The following GPR39 variants were observed in gnomAD, a reference collection of about 807,000 sequenced individuals.
GPR39 encodes the protein zinc sensing receptor.
GPR39 carries 23 observed loss-of-function variants against 18.4 expected under a neutral mutation model. The observed-to-expected ratio is 1.25, with a 90% CI of 0.90 to 1.77. GPR39 has a LOEUF of 1.77. GPR39 is among the 40% of genes most tolerant of loss of function. The probability of loss-of-function intolerance (pLI) is 0.00; values close to 1 mark genes in which losing one functional copy is unlikely to be tolerated. For missense variants in GPR39, 647 were observed against 602.4 expected, an observed-to-expected ratio of 1.07 and a Z score of -0.78; for synonymous variants, 280 against 257.9, an observed-to-expected ratio of 1.09 and a Z score of -0.82.
At chr2:132,630,140 C>G (rs76793450) in intron 1 of GPR39, among the ~76,000 whole-genome samples, 1 of 152,104 alleles carries the variant, frequency 6.6e-6, no homozygotes, top group Admixed American at 6.5e-5. Flanking sequence ...GATCCAGCCT[C>G]GAACCCCATG....
rs1305866397 is a variant in GPR39 at position 132,545,653 on chromosome 2, GGCGTGT to G, written c.857-99446_857-99441del. 1.1e-3 allele frequency among the ~76,000 whole-genome samples: 142 copies of G among 134,788 alleles called. 3 individuals carry two copies. Among genetic ancestry groups the G allele is most frequent in the African/African-American group, 3.4e-3 (135 of 39,840 alleles). The allele number at this position is 134,788 out of a possible 152,430, so 88.4% of individuals were successfully genotyped here. A position where few individuals can be genotyped will look rare whatever the true frequency, so the allele number is the denominator to read the frequency against. The stretch of plus-strand genomic sequence containing the variant: ...ATCTTATAATCCACGATGTGTGATG[GGCGTGT>G]GTGTGTGTGTGTGTGTGTGTGTGTG... On this transcript the variant is annotated intron_variant, in intron 1 of 1. Coordinates refer to ENST00000329321, the MANE Select transcript of GPR39 (RefSeq NM_001508.3).
At chr2:132,497,169 CAG>C (rs1269092109) in intron 1 of GPR39, among the ~76,000 whole-genome samples, 1 of 152,172 alleles carries the variant, frequency 6.6e-6, no homozygotes, top group Non-Finnish European at 1.5e-5. Flanking sequence ...TAAACACGTG[CAG>C]AGTGTGAGCC....
chr2:132,635,871 T>C lies in GPR39; in HGVS notation c.857-9230T>C, dbSNP rs137927848. ...GGAAGAGAGCTTCTCCCCACCTCTA[T>C]ACCCTTACTTCTGCCATGTCGGAGA... is the stretch of plus-strand genomic sequence containing the variant. On this transcript the variant is annotated intron_variant, in intron 1 of 1. Transcript: ENST00000329321. Among the ~76,000 whole-genome samples, 15 of 152,298 alleles carry C rather than the reference T, an allele frequency of 9.8e-5. No homozygotes were observed. The East Asian group carries it at 2.9e-3, about 29-fold the overall frequency.
chr2:132,492,167 C>CACCATATATACACCATATATATACAT, intron 1 of GPR39, among the ~76,000 whole-genome samples: 3 of 145,736 alleles, frequency 2.1e-5, no homozygotes, highest in African/African-American at 5.1e-5. Flanking sequence ...AATATATACA[C>CACCATATATACACCATATATATACAT]ACCATATATA....
At chr2:132,494,982 C>A (rs1309996165) in intron 1 of GPR39, among the ~76,000 whole-genome samples, 1 of 151,966 alleles carries the variant, frequency 6.6e-6, no homozygotes, top group Non-Finnish European at 1.5e-5. Context: ...AAGGGAGCAC[C>A]CTGAGGGGAT....
chr2:132,619,075 CA>C (rs1213286401), intron 1 of GPR39, among the ~76,000 whole-genome samples: 4 of 152,208 alleles, frequency 2.6e-5, no homozygotes, highest in African/African-American at 9.6e-5. Context: ...GCTACACCCC[CA>C]CAGGCCCTTT....
In GPR39 at chr2:132,590,501, G is replaced by A. The variant is rs988448965; in HGVS notation, c.857-54600G>A. Among the ~76,000 whole-genome samples, 4 of 152,074 alleles carry A rather than the reference G, an allele frequency of 2.6e-5. 1 individual carries two copies. Among genetic ancestry groups the A allele is most frequent in the East Asian group, 1.9e-4 (1 of 5,150 alleles). On this transcript the variant is annotated intron_variant, in intron 1 of 1. Coordinates refer to ENST00000329321, the MANE Select transcript of GPR39 (RefSeq NM_001508.3). ...GAGTGGAATGAGGAGTGGACTAGGC[G>A]CAAGACCTATGGTGGGCTGAGGCTT...
At chr2:132,469,495 G>A (rs1468983617) in intron 1 of GPR39, among the ~76,000 whole-genome samples, 1 of 152,150 alleles carries the variant, frequency 6.6e-6, no homozygotes, top group Non-Finnish European at 1.5e-5. Context: ...TAATTGAATC[G>A]CAAATAACAC....
intron 1 of GPR39, among the ~76,000 whole-genome samples, chr2:132,552,849 CACATATATATAT>C (rs1680070333): frequency 1.4e-5 from 2 of 141,936 alleles, no homozygotes; most frequent in African/African-American, 2.7e-5. Flanking sequence ...TATATATACA[CACATATATATAT>C]ACATATATAT....
Position 132,545,298 on chromosome 2 carries a change from A to T in GPR39, c.857-99803A>T, listed in dbSNP as rs976540735. Among the ~76,000 whole-genome samples the T allele has an allele frequency of 2.6e-5, 4 of 152,188 alleles. No individual in the cohort carries two copies. The South Asian group carries it at 6.2e-4, about 24-fold the overall frequency. The stretch of plus-strand genomic sequence containing the variant: ...ACAGATCTTCACTCACTTTCCAGAG[A>T]GGGTGAGAAATTAGCCAGGCAGTCC... On this transcript the variant is annotated intron_variant, in intron 1 of 1. Transcript: ENST00000329321.
chr2:132,491,783 C>T (rs1413064937), intron 1 of GPR39, among the ~76,000 whole-genome samples: 2 of 151,882 alleles, frequency 1.3e-5, no homozygotes, highest in Non-Finnish European at 2.9e-5. Flanking sequence ...CCAGTCCTAG[C>T]TTCACATGTC....
chr2:132,536,574 T>C (rs1490072069), intron 1 of GPR39, among the ~76,000 whole-genome samples: 1 of 152,252 alleles, frequency 6.6e-6, no homozygotes. Context: ...TTTGTAGATG[T>C]CTATTATGTC....
At chr2:132,450,231 C>T (rs143049051) in intron 1 of GPR39, among the ~76,000 whole-genome samples, 28 of 152,194 alleles carry the variant, frequency 1.8e-4, no homozygotes, top group Middle Eastern at 3.4e-3. Context: ...CTCATAGGTC[C>T]CTAGGTTGTA....
At chr2:132,525,640 CA>C (rs1435018110) in intron 1 of GPR39, among the ~76,000 whole-genome samples, 1 of 152,174 alleles carries the variant, frequency 6.6e-6, no homozygotes, top group Non-Finnish European at 1.5e-5. Context: ...TGTCTTACTA[CA>C]AGGTGGAGGA....
intron 1 of GPR39, among the ~76,000 whole-genome samples, chr2:132,447,566 TAACTG>T (rs918279151): frequency 5.3e-5 from 8 of 152,186 alleles, no homozygotes; most frequent in African/African-American, 1.9e-4. Context: ...TTATAACAAT[TAACTG>T]AACATGTGTA....
chr2:132,482,462 T>C (rs1002603298), intron 1 of GPR39, among the ~76,000 whole-genome samples: 4 of 152,308 alleles, frequency 2.6e-5, no homozygotes, highest in African/African-American at 9.6e-5. Flanking sequence ...GGCCTGGAGC[T>C]CGAGCTGGGC....
intron 1 of GPR39, among the ~76,000 whole-genome samples, chr2:132,502,163 A>T (rs1408028177): frequency 1.3e-5 from 2 of 151,944 alleles, no homozygotes; most frequent in Admixed American, 6.6e-5. Context: ...TGTTATTGTT[A>T]TATAGGTCCT....
intron 1 of GPR39, among the ~76,000 whole-genome samples, 169 bp downstream of exon 1, chr2:132,418,067 T>C (rs1679944527): frequency 6.6e-6 from 1 of 152,216 alleles, no homozygotes; most frequent in Admixed American, 6.5e-5. Context: ...TCTGGGTCTC[T>C]GAATGTTTCT....
chr2:132,486,160 A>G (rs1030193577), intron 1 of GPR39, among the ~76,000 whole-genome samples: 1 of 152,236 alleles, frequency 6.6e-6, no homozygotes, highest in Non-Finnish European at 1.5e-5. Context: ...TCTGAGCAGT[A>G]GTATCAACAG....
Sources: gnomAD v4.1 joint callset for allele counts (sites outside exome capture counted in the v4.1 genomes callset) on GRCh38, gnomAD v4.1.1 for gene constraint, MANE v1.5 for transcripts, NCBI Gene and HGNC (gene_info 2026-07-23, HGNC 2026-07-21) for gene names.